Variants in PDSS2 observed in about 807,000 individuals in gnomAD.
PDSS2 encodes the protein all trans-polyprenyl-diphosphate synthase PDSS2.
In PDSS2, 31 loss-of-function variants were observed where a neutral mutation model predicts 44.5. The ratio of observed to expected loss-of-function variants is 0.70; its 90% CI spans 0.52 to 0.94. The LOEUF is 0.94. Among genes scored for constraint, PDSS2 ranks in the 40% least tolerant of loss-of-function variants. The probability of loss-of-function intolerance (pLI) is 0.00; values close to 1 mark genes in which losing one functional copy is unlikely to be tolerated. For synonymous variants in PDSS2, 157 were observed against 180.3 expected, an observed-to-expected ratio of 0.87 and a Z score of 1.03; for missense variants, 452 against 482.2, an observed-to-expected ratio of 0.94 and a Z score of 0.59.
At chr6:107,424,111 G>A (rs1471735795) in intron 1 of PDSS2, among the ~76,000 whole-genome samples, 8 of 136,970 alleles carry the variant, frequency 5.8e-5, no homozygotes, top group Non-Finnish European at 1.1e-4. Context: ...GTGCAATCAC[G>A]GCTCACTGCA....
In PDSS2 at chr6:107,348,741, CTAATGG is replaced by C. The variant is rs552072493; in HGVS notation, c.297-14415_297-14410del. 2.5e-4 allele frequency among the ~76,000 whole-genome samples: 38 copies of C among 152,338 alleles called. No individual in the cohort carries two copies. The South Asian group carries it at 5.2e-3, about 21-fold the overall frequency. On this transcript the variant is annotated intron_variant, in intron 1 of 7. Transcript: ENST00000369037. ...AAATAGTCCAAGCTTCTAAATACTG[CTAATGG>C]ATACACCAGCGACTCAATGTTGGCC...
At chr6:107,254,187 C>G (rs1439169490) in intron 3 of PDSS2, among the ~76,000 whole-genome samples, 1 of 151,794 alleles carries the variant, frequency 6.6e-6, no homozygotes, top group East Asian at 1.9e-4. Context: ...GCGTCCACCA[C>G]CATACCTGGC....
chr6:107,367,086 A>G (rs192209107), intron 1 of PDSS2, among the ~76,000 whole-genome samples: 7,059 of 152,204 alleles, frequency 0.046, 327 homozygotes, highest in African/African-American at 0.12. Flanking sequence ...TGCTCAACAA[A>G]ATATTGGCAA....
At chr6:107,312,313 T>C (rs1777069172) in intron 2 of PDSS2, among the ~76,000 whole-genome samples, 1 of 152,182 alleles carries the variant, frequency 6.6e-6, no homozygotes, top group Non-Finnish European at 1.5e-5. Context: ...GACAATTCAA[T>C]CCTTTGTAGG....
rs187451223 is a variant in PDSS2, at chr6:107,288,799, G to A, written c.432-14572C>T. Among the ~76,000 whole-genome samples the A allele has an allele frequency of 5.8e-3, 704 of 121,206 alleles. 5 individuals are homozygous for A. Among genetic ancestry groups the A allele is most frequent in the African/African-American group, 0.021 (649 of 30,450 alleles). The allele number at this position is 121,206 out of a possible 152,430, so 79.5% of individuals were successfully genotyped here. A position where few individuals can be genotyped will look rare whatever the true frequency, so the allele number is the denominator to read the frequency against. The stretch of plus-strand genomic sequence containing the variant: ...TTTTGAGACAGAGTCTTGCTTTGTC[G>A]CCCAGGCTGGAGTGCAGTGGTACGA... On this transcript the variant is annotated intron_variant, in intron 2 of 7. Transcript: ENST00000369037.
chr6:107,422,303 G>T (rs1780852362), intron 1 of PDSS2, among the ~76,000 whole-genome samples: 1 of 151,760 alleles, frequency 6.6e-6, no homozygotes, highest in Admixed American at 6.6e-5. Flanking sequence ...CATACAAGAA[G>T]ACTTTTATAA....
At chr6:107,260,369 G>C (rs1234461460) in intron 3 of PDSS2, among the ~76,000 whole-genome samples, 3 of 152,122 alleles carry the variant, frequency 2.0e-5, no homozygotes, top group Non-Finnish European at 2.9e-5. Flanking sequence ...ACAACTTTAA[G>C]AATTTAAGAA....
At chr6:107,255,337 C>CT (rs1774975972) in intron 3 of PDSS2, among the ~76,000 whole-genome samples, 1 of 151,594 alleles carries the variant, frequency 6.6e-6, no homozygotes, top group Non-Finnish European at 1.5e-5. Context: ...GGATTACAGG[C>CT]GTCTGCTACC....
At chr6:107,392,727 G>C (rs1646573205) in intron 1 of PDSS2, among the ~76,000 whole-genome samples, 1 of 151,984 alleles carries the variant, frequency 6.6e-6, no homozygotes, top group South Asian at 2.1e-4. Context: ...GTGACTTGTT[G>C]GGCACCCTGA....
chr6:107,370,132 G>T (rs1436295070), intron 1 of PDSS2, among the ~76,000 whole-genome samples: 1 of 152,096 alleles, frequency 6.6e-6, no homozygotes, highest in East Asian at 1.9e-4. Context: ...AGTGATAAAA[G>T]AGCAAAAGAG....
At chr6:107,274,324 G>T (rs1775700383) in intron 2 of PDSS2, 97 bp from the exon 3 acceptor site, 1 of 960,554 alleles carries the variant, frequency 1.0e-6, no homozygotes, top group Non-Finnish European at 1.6e-6. Flanking sequence ...TCCATAGGTT[G>T]CCCCCCACTT....
intron 4 of PDSS2, among the ~76,000 whole-genome samples, chr6:107,239,909 T>G (rs986364556): frequency 2.6e-5 from 4 of 152,116 alleles, no homozygotes; most frequent in Non-Finnish European, 4.4e-5. Context: ...CCCAAAGTGT[T>G]GGGATTACAG....
intron 1 of PDSS2, among the ~76,000 whole-genome samples, chr6:107,374,673 G>A (rs1365206429): frequency 6.6e-6 from 1 of 152,164 alleles, no homozygotes; most frequent in African/African-American, 2.4e-5. Context: ...TAGGGAAGAC[G>A]GTGCTGGACG....
chr6:107,250,559 G>A (rs375357254), intron 3 of PDSS2, among the ~76,000 whole-genome samples: 4 of 152,104 alleles, frequency 2.6e-5, no homozygotes, highest in Non-Finnish European at 5.9e-5. Context: ...AGGGTGTTGG[G>A]GGGGGAAGCA....
intron 1 of PDSS2, among the ~76,000 whole-genome samples, chr6:107,341,248 G>A (rs1412336798): frequency 6.6e-6 from 1 of 152,100 alleles, no homozygotes; most frequent in Non-Finnish European, 1.5e-5. Context: ...TGGCCAACTG[G>A]AGGGATGAAG....
chr6:107,188,796 C>T (rs1772267673), intron 7 of PDSS2, among the ~76,000 whole-genome samples: 1 of 152,170 alleles, frequency 6.6e-6, no homozygotes, highest in Admixed American at 6.5e-5. Context: ...TGCCCAATAC[C>T]CTTTGCCATG....
At chr6:107,298,481 A>G (rs1223776077) in intron 2 of PDSS2, among the ~76,000 whole-genome samples, 1 of 152,196 alleles carries the variant, frequency 6.6e-6, no homozygotes, top group Non-Finnish European at 1.5e-5. Flanking sequence ...ATCAGAGACT[A>G]TACCATTTTA....
intron 1 of PDSS2, among the ~76,000 whole-genome samples, chr6:107,419,439 C>T (rs972709777): frequency 6.6e-6 from 1 of 152,076 alleles, no homozygotes; most frequent in South Asian, 2.1e-4. Flanking sequence ...AGAAAAAGGT[C>T]CTTATTAGGA....
At chr6:107,315,646 T>C (rs1041422709) in intron 2 of PDSS2, among the ~76,000 whole-genome samples, 10 of 152,198 alleles carry the variant, frequency 6.6e-5, no homozygotes, top group African/African-American at 2.4e-4. Flanking sequence ...GAGAAGCTCA[T>C]GGCCAGGTCA....
Sources: gnomAD v4.1 joint callset for allele counts (sites outside exome capture counted in the v4.1 genomes callset) on GRCh38, gnomAD v4.1.1 for gene constraint, MANE v1.5 for transcripts, NCBI Gene and HGNC (gene_info 2026-07-23, HGNC 2026-07-21) for gene names.